POLR3B: variants seen among roughly 807,000 people sequenced by gnomAD.
The protein encoded by POLR3B is DNA-directed RNA polymerase III subunit RPC2.
In POLR3B, 96 loss-of-function variants were observed where a neutral mutation model predicts 147.4. The ratio of observed to expected loss-of-function variants is 0.65; its 90% CI spans 0.55 to 0.77. The LOEUF is 0.77. Among genes scored for constraint, POLR3B ranks in the 30% least tolerant of loss-of-function variants. The pLI is 0.00. For missense variants in POLR3B, 1,036 were observed against 1,413.5 expected, an observed-to-expected ratio of 0.73 and a Z score of 4.28; for synonymous variants, 461 against 485.9, an observed-to-expected ratio of 0.95 and a Z score of 0.67.
At position 106,477,909 on chromosome 12, in the gene POLR3B, T is replaced by C. The variant is rs1410577058; in HGVS notation, c.2713+14289T>C. Among the ~76,000 whole-genome samples, 107 of 127,266 alleles carry C rather than the reference T, an allele frequency of 8.4e-4. 1 individual carries two copies. The highest frequency in any genetic ancestry group is 3.7e-3 in the Middle Eastern group (1 of 268). The allele number at this position is 127,266 out of a possible 152,430, so 83.5% of individuals were successfully genotyped here. On this transcript the variant is annotated intron_variant, in intron 23 of 27. Transcript: ENST00000228347. ...TCCTCCCCTTTTTTTTTTTTTTTTT[T>C]TTTTTTTTTTTTGGAGACAGAGCCT...
intron 19 of POLR3B, among the ~76,000 whole-genome samples, chr12:106,445,764 A>G (rs2037714148): frequency 6.6e-6 from 1 of 152,322 alleles, no homozygotes; most frequent in African/African-American, 2.4e-5. Context: ...CTGTAAAAAT[A>G]CAGAGAGGGA....
intron 23 of POLR3B, among the ~76,000 whole-genome samples, chr12:106,466,590 A>C (rs1462796243): frequency 1.3e-5 from 2 of 152,058 alleles, no homozygotes; most frequent in Non-Finnish European, 2.9e-5. Context: ...CCTAGGTCTT[A>C]TGTTTAGGTC....
chr12:106,382,406 GA>G (rs2036776648), intron 9 of POLR3B, among the ~76,000 whole-genome samples: 2 of 152,332 alleles, frequency 1.3e-5, no homozygotes, highest in South Asian at 2.1e-4. Flanking sequence ...TTGGCATCTA[GA>G]AAAGAGTGAA....
chr12:106,421,834 G>A (rs1565891389), intron 12 of POLR3B, among the ~76,000 whole-genome samples: 1 of 151,876 alleles, frequency 6.6e-6, no homozygotes, highest in East Asian at 1.9e-4. Context: ...CAAGTAGCTG[G>A]GATTACAGGC....
At chr12:106,378,211 A>G (rs1254873645) in intron 7 of POLR3B, 56 bp from the exon 8 acceptor site, 3 of 1,068,138 alleles carry the variant, frequency 2.8e-6, no homozygotes, top group African/African-American at 3.1e-5. Context: ...TGCCATTACT[A>G]AATCAACACT....
At chr12:106,420,197 G>A (rs2037356671) in intron 12 of POLR3B, among the ~76,000 whole-genome samples, 1 of 152,184 alleles carries the variant, frequency 6.6e-6, no homozygotes, top group East Asian at 1.9e-4. Context: ...CCACCCAGAT[G>A]TGGGGCAGTG....
At chr12:106,364,583 A>G (rs999180118) in intron 2 of POLR3B, among the ~76,000 whole-genome samples, 8 of 152,236 alleles carry the variant, frequency 5.3e-5, no homozygotes, top group South Asian at 2.1e-4. Context: ...CACATCCTCC[A>G]GCAATTCCAC....
chr12:106,465,112 C>A (rs2037987590), intron 23 of POLR3B, among the ~76,000 whole-genome samples: 1 of 152,138 alleles, frequency 6.6e-6, no homozygotes, highest in African/African-American at 2.4e-5. Context: ...AAATCAAATT[C>A]TGTATATTGA....
Position 106,432,404 on chromosome 12 carries a change from C to T in POLR3B, c.1551C>T (p.Asn517=). ...GACCCATTGTTAAATTAGCCAGTAA[C>T]TTGGGAGTAGAAGATGTGAATTTAT... ...EDGPIVKLAS[N]LGVEDVNLLC... The change falls in exon 15 of 28, where the codon AAC becomes AAT. Residue 517 remains asparagine (N), a synonymous_variant. Coordinates refer to ENST00000228347, the MANE Select transcript of POLR3B (RefSeq NM_018082.6). The T allele has an allele frequency of 6.2e-7, 1 of 1,613,310 alleles. No homozygotes were observed. Among genetic ancestry groups the T allele is most frequent in the Non-Finnish European group, 8.5e-7 (1 of 1,179,306 alleles).
chr12:106,363,832 G>C (rs1035543016), intron 1 of POLR3B, 38 bp from the exon 2 acceptor site: 1 of 1,536,866 alleles, frequency 6.5e-7, no homozygotes, highest in South Asian at 1.1e-5. Flanking sequence ...ACTGTTGCTG[G>C]TACAGAGTTC....
intron 10 of POLR3B, among the ~76,000 whole-genome samples, chr12:106,402,666 C>A (rs1001275870): frequency 2.0e-5 from 3 of 152,138 alleles, no homozygotes; most frequent in African/African-American, 7.2e-5. Flanking sequence ...ATATCTACAA[C>A]TATCTGATCT....
intron 23 of POLR3B, among the ~76,000 whole-genome samples, chr12:106,464,227 A>G (rs942088304): frequency 2.0e-5 from 3 of 152,128 alleles, no homozygotes; most frequent in African/African-American, 7.2e-5. Context: ...CACAGTTTTC[A>G]TCTATTTGTA....
chr12:106,376,853 T>C (rs189998067), intron 7 of POLR3B, among the ~76,000 whole-genome samples: 1 of 152,336 alleles, frequency 6.6e-6, no homozygotes, highest in East Asian at 1.9e-4. Flanking sequence ...CTCATCCACC[T>C]TGGCCTCCCA....
rs150642102 is a variant in POLR3B, at chr12:106,382,420, C to G, written c.723+2281C>G. On this transcript the variant is annotated intron_variant, in intron 9 of 27. Coordinates refer to ENST00000228347, the MANE Select transcript of POLR3B (RefSeq NM_018082.6). ...ATTGGCATCTAGAAAAGAGTGAATC[C>G]TTTGTAGAAGGTTTCCAGTTTATTT... 1.1e-3 allele frequency among the ~76,000 whole-genome samples: 168 copies of G among 152,246 alleles called. 2 individuals are homozygous for G. The highest frequency in any genetic ancestry group is 3.9e-3 in the African/African-American group (163 of 41,550).
At chr12:106,426,741 C>T (rs536688609) in intron 12 of POLR3B, among the ~76,000 whole-genome samples, 1 of 149,722 alleles carries the variant, frequency 6.7e-6, no homozygotes, top group Admixed American at 6.7e-5. Context: ...TAATGGCAAA[C>T]TGTTTCCTAA....
At chr12:106,415,282 G>C (rs1045498930) in intron 12 of POLR3B, among the ~76,000 whole-genome samples, 1 of 152,190 alleles carries the variant, frequency 6.6e-6, no homozygotes, top group Non-Finnish European at 1.5e-5. Context: ...AAAGCAGTGA[G>C]GTCACTACAG....
At chr12:106,488,409 CTTTTG>C (rs2038369697) in intron 23 of POLR3B, among the ~76,000 whole-genome samples, 2 of 152,250 alleles carry the variant, frequency 1.3e-5, no homozygotes, top group South Asian at 2.1e-4. Flanking sequence ...GTGAATTTGT[CTTTTG>C]TTTATTTATG....
At chr12:106,443,129 A>G (rs1349569051) in intron 18 of POLR3B, among the ~76,000 whole-genome samples, 4 of 152,216 alleles carry the variant, frequency 2.6e-5, no homozygotes, top group South Asian at 4.1e-4. Flanking sequence ...ATTTGTCAAC[A>G]TATCCAAAAT....
At chr12:106,361,049 G>A (rs901595833) in intron 1 of POLR3B, among the ~76,000 whole-genome samples, 1 of 152,182 alleles carries the variant, frequency 6.6e-6, no homozygotes, top group Non-Finnish European at 1.5e-5. Flanking sequence ...AGCATATGAT[G>A]TATGCCTCGC....
Sources: gnomAD v4.1 joint callset for allele counts (sites outside exome capture counted in the v4.1 genomes callset) on GRCh38, gnomAD v4.1.1 for gene constraint, MANE v1.5 for transcripts, NCBI Gene and HGNC (gene_info 2026-07-23, HGNC 2026-07-21) for gene names.